Variants in SORCS2 observed in about 807,000 individuals in gnomAD.
SORCS2 encodes the protein sortilin related VPS10 domain containing receptor 2.
SORCS2 carries 100 observed loss-of-function variants against 141.6 expected under a neutral mutation model. That is an observed-to-expected ratio of 0.71 (90% CI 0.60 to 0.83). The LOEUF is 0.83. SORCS2 is among the 40% of genes least tolerant of loss of function. The probability of loss-of-function intolerance (pLI) is 0.00; values close to 1 mark genes in which losing one functional copy is unlikely to be tolerated. For synonymous variants in SORCS2, 789 were observed against 676.9 expected, an observed-to-expected ratio of 1.17 and a Z score of -2.57; for missense variants, 1,646 against 1,560.2, an observed-to-expected ratio of 1.05 and a Z score of -0.93.
intron 8 of SORCS2, among the ~76,000 whole-genome samples, chr4:7,670,814 G>T (rs1371002212): frequency 2.0e-5 from 3 of 152,192 alleles, no homozygotes; most frequent in African/African-American, 7.2e-5. Flanking sequence ...GAAGGAGCGG[G>T]AGGGTGCAGG....
At chr4:7,338,265 A>C (rs976855857) in intron 1 of SORCS2, among the ~76,000 whole-genome samples, 1 of 146,440 alleles carries the variant, frequency 6.8e-6, no homozygotes, top group Non-Finnish European at 1.5e-5. Flanking sequence ...GGATGGATGC[A>C]TGGATGTCGG....
chr4:7,377,838 T>C (rs960342110), intron 1 of SORCS2, among the ~76,000 whole-genome samples: 3 of 152,228 alleles, frequency 2.0e-5, no homozygotes, highest in Non-Finnish European at 4.4e-5. Context: ...TTCAGCCATA[T>C]GTTTGGGTCC....
Position 7,461,422 on chromosome 4 carries a change from C to A in SORCS2, c.548+65067C>A, listed in dbSNP as rs10008336. ...GCTGTCAGCCTGGCCGCGCCAAGGC[C>A]GCCTCTGCATGGTGGCTGCACACTG... is the stretch of plus-strand genomic sequence containing the variant. On this transcript the variant is annotated intron_variant, in intron 2 of 26. Transcript: ENST00000507866. Among the ~76,000 whole-genome samples, 328 of 152,288 alleles carry A rather than the reference C, an allele frequency of 2.2e-3. 2 individuals carry two copies. The highest frequency in any genetic ancestry group is 7.6e-3 in the African/African-American group (317 of 41,580).
intron 2 of SORCS2, among the ~76,000 whole-genome samples, chr4:7,468,044 C>T (rs1183035089): frequency 1.3e-5 from 2 of 152,324 alleles, no homozygotes; most frequent in East Asian, 1.9e-4. Context: ...AGGATGGCAG[C>T]GGGTTCTCCC....
chr4:7,426,816 C>T (rs905359218), intron 2 of SORCS2, among the ~76,000 whole-genome samples: 2 of 152,176 alleles, frequency 1.3e-5, no homozygotes, highest in African/African-American at 4.8e-5. Context: ...CCTCCCGCAC[C>T]GGCAGTGAAG....
chr4:7,256,796 G>A (rs1375502941), intron 1 of SORCS2, among the ~76,000 whole-genome samples: 15 of 151,012 alleles, frequency 9.9e-5, no homozygotes, highest in African/African-American at 3.7e-4. Flanking sequence ...GACATGCTGG[G>A]GGCAGAGTGT....
At chr4:7,600,807 TGA>T (rs1717620473) in intron 3 of SORCS2, among the ~76,000 whole-genome samples, 1 of 152,242 alleles carries the variant, frequency 6.6e-6, no homozygotes, top group African/African-American at 2.4e-5. Flanking sequence ...CTCTTTCGTA[TGA>T]GACTTATGGA....
At chr4:7,550,131 TA>T (rs2109628280) in intron 3 of SORCS2, among the ~76,000 whole-genome samples, 1 of 63,826 alleles carries the variant, frequency 1.6e-5, no homozygotes, top group Non-Finnish European at 3.7e-5. Context: ...TGTATGTGTG[TA>T]TGTGTGTGTG....
intron 17 of SORCS2, among the ~76,000 whole-genome samples, chr4:7,716,874 A>G (rs752748406): frequency 1.3e-5 from 2 of 152,356 alleles, no homozygotes; most frequent in Non-Finnish European, 2.9e-5. Flanking sequence ...TGTAGGTGCC[A>G]TGGGTGGGTG....
intron 10 of SORCS2, among the ~76,000 whole-genome samples, chr4:7,685,688 A>AATAAATATATATATATATAT (rs1723830717): frequency 3.3e-5 from 5 of 149,588 alleles, no homozygotes; most frequent in African/African-American, 1.2e-4. Context: ...AAAATAAATA[A>AATAAATATATATATATATAT]ATATATATAT....
rs189614087 is a variant in SORCS2, at chr4:7,555,584, G to A, written c.648+23955G>A. On this transcript the variant is annotated intron_variant, in intron 3 of 26. Transcript: ENST00000507866. ...CTATTTAGTGTCAGGGTTGGGTATCGGATGAAAACAGACATAGCCCCTGCT... is the reference window on the plus strand; with the variant it reads ...CTATTTAGTGTCAGGGTTGGGTATCAGATGAAAACAGACATAGCCCCTGCT... 1.5e-3 allele frequency among the ~76,000 whole-genome samples: 236 copies of A among 152,346 alleles called. 1 individual carries two copies. Among genetic ancestry groups the A allele is most frequent in the South Asian group, 1.7e-3 (8 of 4,830 alleles).
intron 3 of SORCS2, among the ~76,000 whole-genome samples, chr4:7,552,508 C>T (rs371236838): frequency 2.5e-4 from 38 of 152,068 alleles, no homozygotes; most frequent in Non-Finnish European, 3.7e-4. Context: ...TCTAAACTGA[C>T]GATGAAGGCA....
intron 2 of SORCS2, among the ~76,000 whole-genome samples, chr4:7,418,840 A>T (rs944221591): frequency 2.6e-5 from 4 of 152,092 alleles, no homozygotes; most frequent in African/African-American, 9.7e-5. Context: ...ATCTGTAGTA[A>T]GCAGCCAATT....
In SORCS2 at chr4:7,740,722, GC is replaced by G. The variant is rs572767126; in HGVS notation, c.*460del. ...TTGCTTCTTCACTCCCACCTGTGCG[GC>G]CACCCAGTCCCTCTGTGGGAGCCCG... On this transcript the variant is annotated 3_prime_UTR_variant, in exon 27 of 27. Transcript: ENST00000507866. The G allele has an allele frequency of 3.2e-3, 973 of 301,772 alleles. 4 individuals are homozygous for G. The highest frequency in any genetic ancestry group is 0.02 in the African/African-American group (920 of 47,078). The allele number at this position is 301,772 out of a possible 1,614,324, so 18.7% of individuals were successfully genotyped here. A position where few individuals can be genotyped will look rare whatever the true frequency, so the allele number is the denominator to read the frequency against.
chr4:7,557,571 G>T (rs890875065), intron 3 of SORCS2, among the ~76,000 whole-genome samples: 7 of 152,198 alleles, frequency 4.6e-5, no homozygotes, highest in Non-Finnish European at 1.0e-4. Flanking sequence ...AACTGCTCTG[G>T]ACTAGATTCT....
At chr4:7,706,405 GCC>G (rs1560498944) in intron 14 of SORCS2, among the ~76,000 whole-genome samples, 35 of 148,302 alleles carry the variant, frequency 2.4e-4, no homozygotes, top group Admixed American at 6.0e-4. Flanking sequence ...GCTGGGCTCT[GCC>G]TGGACAGAGA....
At position 7,396,321 on chromosome 4, in the gene SORCS2, G is replaced by T; in HGVS notation, c.514G>T (p.Asp172Tyr). The T allele has an allele frequency of 6.2e-7, 1 of 1,613,986 alleles. No individual in the cohort carries two copies. Among genetic ancestry groups the T allele is most frequent in the Non-Finnish European group, 8.5e-7 (1 of 1,179,882 alleles). Residue 172 changes from aspartate to tyrosine, a missense_variant, in exon 2 of 27, where the codon GAC becomes TAC. Coordinates refer to ENST00000507866, the MANE Select transcript of SORCS2 (RefSeq NM_020777.3). The part of the protein sequence containing the change: ...ILILTKYYHA[D>Y]MGKVLESSLW... ...GATCCTGACGAAGTACTACCACGCAGACATGGGGAAGGTTCTGGAAAGTTC... is the reference window on the plus strand; with the variant it reads ...GATCCTGACGAAGTACTACCACGCATACATGGGGAAGGTTCTGGAAAGTTC...
chr4:7,361,520 G>A (rs962492003), intron 1 of SORCS2, among the ~76,000 whole-genome samples: 3 of 151,958 alleles, frequency 2.0e-5, no homozygotes, highest in Admixed American at 6.6e-5. Flanking sequence ...CGCCTGACAT[G>A]GGCTGGACAC....
chr4:7,386,555 C>G (rs1417914291), intron 1 of SORCS2, among the ~76,000 whole-genome samples: 27 of 106,408 alleles, frequency 2.5e-4, no homozygotes, highest in African/African-American at 1.1e-3. Context: ...CACAGAGATA[C>G]ACACGCACAT....
Sources: gnomAD v4.1 joint callset for allele counts (sites outside exome capture counted in the v4.1 genomes callset) on GRCh38, gnomAD v4.1.1 for gene constraint, MANE v1.5 for transcripts, NCBI Gene and HGNC (gene_info 2026-07-23, HGNC 2026-07-21) for gene names.